Variants in KIAA1671 observed in about 807,000 individuals in gnomAD.
The protein encoded by KIAA1671 is uncharacterized protein KIAA1671.
A neutral mutation model predicts 131.2 loss-of-function variants in KIAA1671; 52 were observed. The observed-to-expected ratio is 0.40, with a 90% CI of 0.32 to 0.50. The LOEUF (loss-of-function observed/expected upper bound fraction) is 0.50, where lower values mean the gene tolerates loss of function less well. KIAA1671 is among the 20% of genes least tolerant of loss of function. The pLI, the probability that KIAA1671 is intolerant of heterozygous loss-of-function variation, is 0.73. For missense variants in KIAA1671, 2,360 were observed against 2,364.2 expected, an observed-to-expected ratio of 1.00 and a Z score of 0.04; for synonymous variants, 1,003 against 961.6, an observed-to-expected ratio of 1.04 and a Z score of -0.80.
chr22:25,130,613 G>C (rs906967010), intron 6 of KIAA1671, among the ~76,000 whole-genome samples: 2 of 152,186 alleles, frequency 1.3e-5, no homozygotes, highest in East Asian at 3.8e-4. Context: ...TGTGAGGGGC[G>C]GGGGACACTG....
At chr22:25,024,644 A>T (rs1474448553) in intron 1 of KIAA1671, 1 of 152,322 alleles carries the variant, frequency 6.6e-6, no homozygotes, top group Non-Finnish European at 1.5e-5. Flanking sequence ...CTTATTTAGC[A>T]TCTTAGAGAG....
At chr22:25,107,526 G>C (rs1047396079) in intron 6 of KIAA1671, among the ~76,000 whole-genome samples, 1 of 134,610 alleles carries the variant, frequency 7.4e-6, no homozygotes. Flanking sequence ...CCGGGCTGGA[G>C]TGCAGTGGTG....
intron 6 of KIAA1671, among the ~76,000 whole-genome samples, chr22:25,111,203 G>T (rs1931324109): frequency 6.6e-6 from 1 of 152,220 alleles, no homozygotes; most frequent in African/African-American, 2.4e-5. Flanking sequence ...CCTTCCCGGG[G>T]CTGCCAGATC....
intron 6 of KIAA1671, among the ~76,000 whole-genome samples, chr22:25,117,584 A>ACC (rs1555880486): frequency 3.9e-5 from 2 of 51,268 alleles, no homozygotes; most frequent in Admixed American, 2.2e-4. Flanking sequence ...ATCTCCCCCA[A>ACC]CCACACACAC....
chr22:24,956,413 A>T (rs1015995863), intron 1 of KIAA1671, among the ~76,000 whole-genome samples: 1 of 152,230 alleles, frequency 6.6e-6, no homozygotes, highest in Non-Finnish European at 1.5e-5. Context: ...TTTGCCAGGC[A>T]GCAGTGGCAA....
chr22:25,037,218 G>A (rs1373432897), intron 4 of KIAA1671, among the ~76,000 whole-genome samples: 1 of 152,080 alleles, frequency 6.6e-6, no homozygotes, highest in Non-Finnish European at 1.5e-5. Context: ...AGCTACTCGG[G>A]AGGCTGAGGC....
At chr22:24,985,648 CTT>C (rs1471405548) in intron 1 of KIAA1671, among the ~76,000 whole-genome samples, 4 of 152,220 alleles carry the variant, frequency 2.6e-5, no homozygotes, top group South Asian at 2.1e-4. Context: ...CTTTCTGTCT[CTT>C]GTTTCTTTAG....
chr22:25,184,494 G>A (rs1934403825), intron 10 of KIAA1671, among the ~76,000 whole-genome samples: 1 of 152,204 alleles, frequency 6.6e-6, no homozygotes, highest in Admixed American at 6.5e-5. Flanking sequence ...GGAACTTTAT[G>A]CACACCATTG....
Position 25,029,141 on chromosome 22 carries a change from A to G in KIAA1671, c.1142A>G (p.Asn381Ser). 1.4e-6 allele frequency: 2 copies of G among 1,458,508 alleles called. No homozygotes were observed. The highest frequency in any genetic ancestry group is 2.5e-5 in the East Asian group (1 of 40,126). 90.3% of individuals were successfully genotyped at this position (1,458,508 alleles called of 1,614,324 possible). ...VGGSSGVTPS[N>S]DQSPWEEKAK... ...GGCTCATCTGGGGTCACCCCCAGCA[A>G]TGACCAGAGTCCCTGGGAAGAAAAG... Residue 381 changes from asparagine (N) to serine (S), a missense_variant, in exon 3 of 13, where the codon AAT (asparagine) becomes AGT (serine). By Grantham distance (46) the Asn-to-Ser change is conservative. This residue lies in a region of KIAA1671 where 1,185 missense variants were observed against 1,126.2 expected (regional missense o/e 1.05). Coordinates refer to ENST00000358431, the MANE Select transcript of KIAA1671 (RefSeq NM_001145206.2).
At chr22:25,079,546 G>A (rs1929289424) in intron 6 of KIAA1671, among the ~76,000 whole-genome samples, 1 of 152,182 alleles carries the variant, frequency 6.6e-6, no homozygotes, top group African/African-American at 2.4e-5. Flanking sequence ...CTCTAAAAAG[G>A]TGACATTTGA....
intron 6 of KIAA1671, among the ~76,000 whole-genome samples, chr22:25,158,825 C>A (rs1933335616): frequency 6.6e-6 from 1 of 152,198 alleles, no homozygotes; most frequent in Admixed American, 6.5e-5. Context: ...GCAGTAAGCA[C>A]CATCCAAGTG....
At chr22:25,160,567 C>G (rs533625731) in intron 6 of KIAA1671, among the ~76,000 whole-genome samples, 1 of 152,312 alleles carries the variant, frequency 6.6e-6, no homozygotes, top group South Asian at 2.1e-4. Context: ...CAGGCTTGCA[C>G]CAACCCCAGA....
At chr22:25,129,144 G>C (rs1932317762) in intron 6 of KIAA1671, among the ~76,000 whole-genome samples, 1 of 152,062 alleles carries the variant, frequency 6.6e-6, no homozygotes, top group Non-Finnish European at 1.5e-5. Context: ...AGTGCCATGA[G>C]GATGGTGGCG....
chr22:25,063,477 T>G (rs1216437837), intron 6 of KIAA1671: 2 of 152,126 alleles, frequency 1.3e-5, no homozygotes, highest in South Asian at 2.1e-4. Context: ...CCAAATATTA[T>G]ATGTTCTCAC....
intron 2 of KIAA1671, among the ~76,000 whole-genome samples, chr22:25,026,827 T>G (rs1925969278): frequency 6.6e-6 from 1 of 152,158 alleles, no homozygotes; most frequent in Non-Finnish European, 1.5e-5. Context: ...CTGGGCCCTT[T>G]CCCTTCATCT....
chr22:25,059,864 G>T (rs1191982536), intron 6 of KIAA1671: 1 of 152,200 alleles, frequency 6.6e-6, no homozygotes, highest in African/African-American at 2.4e-5. Flanking sequence ...GGAAAATGGA[G>T]AATTTAGTTG....
chr22:25,101,845 C>T (rs1242403710), intron 6 of KIAA1671, among the ~76,000 whole-genome samples: 1 of 152,140 alleles, frequency 6.6e-6, no homozygotes, highest in Non-Finnish European at 1.5e-5. Context: ...CGCCCACAGG[C>T]TCGGGACCTG....
Position 25,032,644 on chromosome 22 carries a change from A to G in KIAA1671, c.1577A>G (p.Tyr526Cys). 6.5e-7 allele frequency: 1 copy of G among 1,547,604 alleles called. No individual in the cohort carries two copies. Among genetic ancestry groups the G allele is most frequent in the Non-Finnish European group, 8.7e-7 (1 of 1,143,662 alleles). Residue 526 changes from tyrosine (Y) to cysteine (C), a missense_variant, in exon 4 of 13, where the codon TAT (tyrosine) becomes TGT (cysteine). Tyr to Cys is a radical substitution (Grantham distance 194). Coordinates refer to ENST00000358431, the MANE Select transcript of KIAA1671 (RefSeq NM_001145206.2). ...TCAGCTTCCAGCAACGAAGTCAAAT[A>G]TGAGAAGAGTGCTGAGCTGAGCGGC... ...SSSASSNEVK[Y>C]EKSAELSGEF...
Position 25,033,993 on chromosome 22 carries a change from A to G in KIAA1671, c.1629+1297A>G, listed in dbSNP as rs1926447759. ...GTGTACAACCTGTGAAACCACCATC[A>G]CAGTCAGAATAGCGAACATCTCCAT... On this transcript the variant is annotated intron_variant, in intron 4 of 12. Transcript: ENST00000358431. Among the ~76,000 whole-genome samples the G allele has an allele frequency of 2.6e-5, 4 of 151,602 alleles. No homozygotes were observed. The South Asian group carries it at 6.3e-4, about 24-fold the overall frequency.
Sources: allele counts gnomAD v4.1 joint callset (sites outside exome capture counted in the v4.1 genomes callset), GRCh38; gene constraint gnomAD v4.1.1; regional missense constraint gnomAD v4.1.1; transcripts MANE v1.5; gene names NCBI Gene and HGNC (gene_info 2026-07-23, HGNC 2026-07-21).